The following DNAH6 variants were observed in gnomAD, a reference collection of about 807,000 sequenced individuals.
DNAH6 encodes the protein dynein axonemal heavy chain 6.
A neutral mutation model predicts 491.4 loss-of-function variants in DNAH6; 340 were observed. That is an observed-to-expected ratio of 0.69 (90% confidence interval 0.63 to 0.76). The LOEUF (loss-of-function observed/expected upper bound fraction) is 0.76, where lower values mean the gene tolerates loss of function less well. Ranked by LOEUF, DNAH6 falls within the 30% of genes least tolerant of loss-of-function variation. The probability of loss-of-function intolerance (pLI) is 0.00; values close to 1 mark genes in which losing one functional copy is unlikely to be tolerated. For synonymous variants in DNAH6, 1,603 were observed against 1,686.1 expected, an observed-to-expected ratio of 0.95 and a Z score of 1.21; for missense variants, 4,443 against 4,972.2, an observed-to-expected ratio of 0.89 and a Z score of 3.20.
At chr2:84,567,701 G>A (rs1240495399) in intron 11 of DNAH6, among the ~76,000 whole-genome samples, 1 of 152,020 alleles carries the variant, frequency 6.6e-6, no homozygotes, top group African/African-American at 2.4e-5. Flanking sequence ...AACCATAGAA[G>A]AAAATCTGGG....
At chr2:84,604,244 T>C (rs1685538076) in intron 18 of DNAH6, 95 bp from the exon 19 acceptor site, 3 of 949,484 alleles carry the variant, frequency 3.2e-6, no homozygotes, top group Non-Finnish European at 4.8e-6. Flanking sequence ...TGGTGCTCTT[T>C]TCCAGCTCTC....
At chr2:84,689,159 T>TC (rs1178234952) in intron 45 of DNAH6, among the ~76,000 whole-genome samples, 1 of 152,198 alleles carries the variant, frequency 6.6e-6, no homozygotes, top group East Asian at 1.9e-4. Context: ...AGCCAACATC[T>TC]GCCTCCTGTG....
At chr2:84,726,186 C>T (rs532844422) in intron 60 of DNAH6, among the ~76,000 whole-genome samples, 2 of 152,278 alleles carry the variant, frequency 1.3e-5, no homozygotes, top group East Asian at 3.9e-4. Flanking sequence ...TGACCCTGAT[C>T]TGCTTTGGTC....
chr2:84,727,002 A>C (rs944445114), intron 60 of DNAH6, among the ~76,000 whole-genome samples: 6 of 152,194 alleles, frequency 3.9e-5, no homozygotes, highest in Non-Finnish European at 5.9e-5. Context: ...CACAAAAATC[A>C]GTTTCTCTTA....
intron 50 of DNAH6, among the ~76,000 whole-genome samples, chr2:84,703,857 G>T (rs1406268304): frequency 6.6e-6 from 1 of 152,172 alleles, no homozygotes; most frequent in Admixed American, 6.5e-5. Flanking sequence ...TCTCTCCTAA[G>T]ATGGAACTGT....
intron 70 of DNAH6, among the ~76,000 whole-genome samples, chr2:84,804,338 C>T (rs1679219909): frequency 6.6e-6 from 1 of 151,730 alleles, no homozygotes; most frequent in Admixed American, 6.6e-5. Flanking sequence ...TTATCACAGT[C>T]ACTTAAAGCA....
At chr2:84,498,014 T>G in the DNAH6 span, among the ~76,000 whole-genome samples, 1 of 152,234 alleles carries the variant, frequency 6.6e-6, no homozygotes, top group Admixed American at 6.5e-5. Flanking sequence ...CTCTGGGCCA[T>G]GTACACTATG....
At chr2:84,496,514 A>G in the DNAH6 span, among the ~76,000 whole-genome samples, 1 of 152,132 alleles carries the variant, frequency 6.6e-6, no homozygotes, top group African/African-American at 2.4e-5. Context: ...TCACCTGCAG[A>G]TGTGGTTCTA....
In DNAH6 at chr2:84,778,986, T is replaced by A. The variant is rs376174087; in HGVS notation, c.10704-2507T>A. On this transcript the variant is annotated intron_variant, in intron 64 of 76. Transcript: ENST00000389394. ...ATCATGGTATTGATTTCTATTTTAA[T>A]TCCACTGTTGTCTGAGAGTATGCTT... Among the ~76,000 whole-genome samples the A allele has an allele frequency of 3.2e-4, 48 of 152,348 alleles. No homozygotes were observed. In the East Asian group the frequency reaches 7.9e-3, roughly 25 times the overall value.
At chr2:84,462,700 A>G in the DNAH6 span, among the ~76,000 whole-genome samples, 1 of 152,210 alleles carries the variant, frequency 6.6e-6, no homozygotes, top group Non-Finnish European at 1.5e-5. Flanking sequence ...TCATGAGTCC[A>G]CCTTAGTTAG....
chr2:84,569,706 T>C (rs374009742), intron 11 of DNAH6, among the ~76,000 whole-genome samples: 91 of 152,264 alleles, frequency 6.0e-4, no homozygotes, highest in African/African-American at 2.0e-3. Flanking sequence ...TTTTTTGCAG[T>C]GGTATTAGTG....
chr2:84,494,108 T>G, the DNAH6 span, among the ~76,000 whole-genome samples: 10 of 152,240 alleles, frequency 6.6e-5, no homozygotes, highest in African/African-American at 2.4e-4. Flanking sequence ...AAGGGCTGTC[T>G]TTGTGAAAGG....
At chr2:84,705,942 A>G (rs991317581) in intron 52 of DNAH6, among the ~76,000 whole-genome samples, 195 bp downstream of exon 52, 9 of 152,306 alleles carry the variant, frequency 5.9e-5, no homozygotes, top group African/African-American at 2.2e-4. Flanking sequence ...TTCTTTCAGC[A>G]TAAGAGGAAC....
the DNAH6 span, among the ~76,000 whole-genome samples, chr2:84,499,517 T>G: frequency 6.6e-6 from 1 of 152,234 alleles, no homozygotes; most frequent in Non-Finnish European, 1.5e-5. Context: ...AGTACAGATA[T>G]CTCTTCAATA....
At chr2:84,707,202 T>C (rs1236688281) in intron 53 of DNAH6, among the ~76,000 whole-genome samples, 183 bp downstream of exon 53, 1 of 152,228 alleles carries the variant, frequency 6.6e-6, no homozygotes, top group African/African-American at 2.4e-5. Flanking sequence ...GAACAAGCCT[T>C]ACTGGAGCAT....
At chr2:84,726,418 G>C (rs567187476) in intron 60 of DNAH6, among the ~76,000 whole-genome samples, 15 of 152,260 alleles carry the variant, frequency 9.9e-5, no homozygotes, top group African/African-American at 3.4e-4. Flanking sequence ...TCCATGGAAG[G>C]CCACACATTC....
chr2:84,816,395 A>G (rs747227956), intron 76 of DNAH6, among the ~76,000 whole-genome samples: 5 of 152,222 alleles, frequency 3.3e-5, no homozygotes, highest in Non-Finnish European at 5.9e-5. Context: ...TTTTCTCACT[A>G]AATCCATTTT....
At chr2:84,777,181 A>G (rs1676213403) in intron 64 of DNAH6, 1 of 181,174 alleles carries the variant, frequency 5.5e-6, no homozygotes, top group African/African-American at 2.4e-5. Flanking sequence ...CTAACATGGC[A>G]CATGTATACA....
At chr2:84,495,283 C>G in the DNAH6 span, among the ~76,000 whole-genome samples, 1 of 152,254 alleles carries the variant, frequency 6.6e-6, no homozygotes, top group Non-Finnish European at 1.5e-5. Context: ...CTGCCTCAGC[C>G]TCCCCAGTAG....
Sources: gnomAD v4.1 joint callset for allele counts (sites outside exome capture counted in the v4.1 genomes callset) on GRCh38, gnomAD v4.1.1 for gene constraint, MANE v1.5 for transcripts, NCBI Gene and HGNC (gene_info 2026-07-23, HGNC 2026-07-21) for gene names.